The following CACNA1C variants were observed in gnomAD, a reference collection of about 807,000 sequenced individuals.
CACNA1C encodes voltage-dependent L-type calcium channel subunit alpha-1C.
In CACNA1C, 30 loss-of-function variants were observed where a neutral mutation model predicts 229.0. That is an observed-to-expected ratio of 0.13 (90% CI 0.10 to 0.18). The LOEUF is 0.18. Among genes scored for constraint, CACNA1C ranks in the 10% least tolerant of loss-of-function variants. The pLI is 1.00. For missense variants in CACNA1C, 1,658 were observed against 2,845.0 expected (o/e 0.58, Z 9.49); for synonymous variants, 1,114 against 1,132.5 (o/e 0.98, Z 0.33).
Position 2,149,795 on chromosome 12 carries a change from C to A in CACNA1C, c.477+29365C>A, listed in dbSNP as rs75879628. ...GTGTAGGACCCAGGGGGGAGCACAC[C>A]CCAGGAAAGGGCTGCCGGTGGATCC... On this transcript the variant is annotated intron_variant, in intron 3 of 46. Coordinates refer to ENST00000399655, the MANE Select transcript of CACNA1C (RefSeq NM_000719.7). Among the ~76,000 whole-genome samples the A allele has an allele frequency of 3.7e-3, 564 of 152,208 alleles. 2 individuals are homozygous for A. Among genetic ancestry groups the A allele is most frequent in the Non-Finnish European group, 5.3e-3 (363 of 68,008 alleles).
chr12:2,114,124 C>A (rs1454743690), intron 1 of CACNA1C, among the ~76,000 whole-genome samples: 1 of 152,230 alleles, frequency 6.6e-6, no homozygotes, highest in African/African-American at 2.4e-5. Flanking sequence ...TCAGGAAGTT[C>A]TTGTGTGGGT....
At chr12:2,194,773 G>A (rs185714633) in intron 3 of CACNA1C, among the ~76,000 whole-genome samples, 1 of 152,182 alleles carries the variant, frequency 6.6e-6, no homozygotes, top group Non-Finnish European at 1.5e-5. Flanking sequence ...CCCTGCCGTG[G>A]AGCACCTGAG....
intron 5 of CACNA1C, among the ~76,000 whole-genome samples, chr12:2,464,807 G>A (rs1597157835): frequency 6.6e-6 from 1 of 152,208 alleles, no homozygotes. Context: ...GTGGATAGAG[G>A]TCAGAAGCTT....
chr12:2,521,524 C>T (rs1466987999), intron 9 of CACNA1C, among the ~76,000 whole-genome samples: 4 of 152,174 alleles, frequency 2.6e-5, no homozygotes, highest in Admixed American at 2.6e-4. Flanking sequence ...GGACAGCATC[C>T]TCTGCCTGCC....
At chr12:2,540,819 A>G (rs939621599) in intron 9 of CACNA1C, among the ~76,000 whole-genome samples, 4 of 152,208 alleles carry the variant, frequency 2.6e-5, no homozygotes, top group African/African-American at 4.8e-5. Flanking sequence ...GTCTCAGGAC[A>G]TGAGAGAGAA....
At chr12:2,127,123 C>G (rs927848713) in intron 3 of CACNA1C, among the ~76,000 whole-genome samples, 1 of 152,170 alleles carries the variant, frequency 6.6e-6, no homozygotes, top group Non-Finnish European at 1.5e-5. Flanking sequence ...CCCACTCCCC[C>G]ACCCCTGAGC....
chr12:2,277,400 C>CTG, intron 3 of CACNA1C, among the ~76,000 whole-genome samples: 1 of 142,478 alleles, frequency 7.0e-6, no homozygotes, highest in African/African-American at 2.6e-5. Context: ...CACACACACA[C>CTG]ACACACACAC....
intron 34 of CACNA1C, among the ~76,000 whole-genome samples, chr12:2,655,676 G>GTGA (rs1224297240): frequency 6.6e-6 from 1 of 152,204 alleles, no homozygotes; most frequent in Non-Finnish European, 1.5e-5. Context: ...CACATGCACT[G>GTGA]GGCGTCATCC....
chr12:2,315,214 G>A (rs932026619), intron 3 of CACNA1C, among the ~76,000 whole-genome samples: 6 of 152,200 alleles, frequency 3.9e-5, no homozygotes, highest in African/African-American at 1.4e-4. Flanking sequence ...GGCCAGATGA[G>A]CACCACAGAC....
intron 3 of CACNA1C, among the ~76,000 whole-genome samples, chr12:2,363,162 A>G (rs1313912290): frequency 1.3e-5 from 2 of 152,060 alleles, no homozygotes; most frequent in African/African-American, 2.4e-5. Context: ...CTCTTGTCCC[A>G]GTTGTGCCCT....
intron 1 of CACNA1C, among the ~76,000 whole-genome samples, chr12:2,063,316 T>C (rs2154518968): frequency 6.6e-6 from 1 of 152,278 alleles, no homozygotes; most frequent in South Asian, 2.1e-4. Context: ...CATGCCTGGC[T>C]TATTTTTGTA....
At chr12:2,610,866 G>T (rs1385390991) in intron 28 of CACNA1C, among the ~76,000 whole-genome samples, 167 bp downstream of exon 28, 1 of 152,240 alleles carries the variant, frequency 6.6e-6, no homozygotes, top group East Asian at 1.9e-4. Flanking sequence ...TCCTCTCTGG[G>T]CCTTACGGAA....
At chr12:2,515,930 C>T (rs376848185) in intron 9 of CACNA1C, among the ~76,000 whole-genome samples, 2 of 152,148 alleles carry the variant, frequency 1.3e-5, no homozygotes, top group East Asian at 3.9e-4. Context: ...CTGCTCTCTG[C>T]CAGGCACTGC....
rs369307709 is a variant in CACNA1C at position 2,147,163 on chromosome 12, AG to A, written c.477+26740del. ...ATTACAGCAAACGAATCACTGAGAG[AG>A]GGGGGGAACCTCCAAAATGTTGTGA... On this transcript the variant is annotated intron_variant, in intron 3 of 46. Transcript: ENST00000399655. 9.8e-4 allele frequency among the ~76,000 whole-genome samples: 148 copies of A among 151,354 alleles called. 3 individuals are homozygous for A. The highest frequency in any genetic ancestry group is 3.4e-3 in the Middle Eastern group (1 of 294).
At chr12:2,584,689 G>C in intron 16 of CACNA1C, 72 bp downstream of exon 16, 2 of 1,039,806 alleles carry the variant, frequency 1.9e-6, no homozygotes, top group South Asian at 1.5e-5. Flanking sequence ...ACTGGTGGCA[G>C]AGAGAGGCTT....
intron 1 of CACNA1C, among the ~76,000 whole-genome samples, chr12:1,986,934 C>G (rs2037960336): frequency 6.6e-6 from 1 of 152,066 alleles, no homozygotes; most frequent in African/African-American, 2.4e-5. Flanking sequence ...AAGTTCAATC[C>G]CTTTTTGCTA....
chr12:2,352,652 G>A (rs1305653909), intron 3 of CACNA1C, among the ~76,000 whole-genome samples: 2 of 150,582 alleles, frequency 1.3e-5, no homozygotes, highest in African/African-American at 2.4e-5. Flanking sequence ...AATGAGTTCA[G>A]GACTAACCCT....
intron 1 of CACNA1C, among the ~76,000 whole-genome samples, chr12:2,092,410 G>A (rs903134397): frequency 3.3e-5 from 5 of 152,184 alleles, no homozygotes; most frequent in Non-Finnish European, 7.4e-5. Context: ...GTCTCCTTGT[G>A]GCTTGGATAT....
intron 30 of CACNA1C, among the ~76,000 whole-genome samples, chr12:2,644,857 G>C (rs1264451766): frequency 2.6e-5 from 4 of 152,152 alleles, no homozygotes; most frequent in African/African-American, 9.7e-5. Flanking sequence ...CTCACTGCCA[G>C]TTCTGCCAAA....
Sources: allele counts gnomAD v4.1 joint callset (sites outside exome capture counted in the v4.1 genomes callset), GRCh38; gene constraint gnomAD v4.1.1; transcripts MANE v1.5; gene names NCBI Gene and HGNC (gene_info 2026-07-23, HGNC 2026-07-21).